ALK: variants seen among roughly 807,000 people sequenced by gnomAD.
ALK encodes ALK receptor tyrosine kinase, also known as ALK tyrosine kinase receptor.
ALK carries 74 observed loss-of-function variants against 163.1 expected under a neutral mutation model. The observed-to-expected ratio is 0.45, with a 90% confidence interval of 0.38 to 0.55. ALK has a LOEUF of 0.55. Ranked by LOEUF, ALK falls within the 20% of genes least tolerant of loss-of-function variation. The pLI is 0.00. For synonymous variants in ALK, 960 were observed against 843.2 expected, an observed-to-expected ratio of 1.14 and a Z score of -2.40; for missense variants, 2,063 against 2,105.3, an observed-to-expected ratio of 0.98 and a Z score of 0.39.
intron 4 of ALK, among the ~76,000 whole-genome samples, chr2:29,437,348 A>C (rs2148078198): frequency 6.6e-6 from 1 of 152,328 alleles, no homozygotes; most frequent in South Asian, 2.1e-4. Flanking sequence ...ATAAAAGAGC[A>C]GCTTCTGACA....
chr2:29,758,923 GT>G (rs1031209627), intron 1 of ALK, among the ~76,000 whole-genome samples: 2 of 151,952 alleles, frequency 1.3e-5, no homozygotes, highest in African/African-American at 4.8e-5. Context: ...TAGGGTCGGT[GT>G]TTCCTGTCCA....
chr2:29,888,722 AAG>A (rs1258486963), intron 1 of ALK, among the ~76,000 whole-genome samples: 1 of 152,204 alleles, frequency 6.6e-6, no homozygotes, highest in African/African-American at 2.4e-5. Flanking sequence ...ATTTCCCAAA[AAG>A]GAGTCCCTCT....
intron 1 of ALK, among the ~76,000 whole-genome samples, chr2:29,872,848 CTTCACT>C (rs1666614217): frequency 6.6e-6 from 1 of 152,198 alleles, no homozygotes; most frequent in Non-Finnish European, 1.5e-5. Flanking sequence ...AAGTAGCTCT[CTTCACT>C]TTCAAGTTGG....
At chr2:29,560,418 G>C (rs1049785631) in intron 3 of ALK, among the ~76,000 whole-genome samples, 1 of 152,178 alleles carries the variant, frequency 6.6e-6, no homozygotes, top group Non-Finnish European at 1.5e-5. Context: ...GGTTGCCTGG[G>C]GCTTGGGATG....
intron 1 of ALK, among the ~76,000 whole-genome samples, chr2:29,797,141 T>G (rs1295923163): frequency 6.6e-6 from 1 of 152,086 alleles, no homozygotes; most frequent in Non-Finnish European, 1.5e-5. Context: ...CAACCTTTCT[T>G]TAGATTGCCA....
chr2:29,686,152 G>T (rs1282567943), intron 3 of ALK, among the ~76,000 whole-genome samples: 1 of 152,188 alleles, frequency 6.6e-6, no homozygotes, highest in African/African-American at 2.4e-5. Flanking sequence ...GGGGGCTGGA[G>T]GAAGCATTAA....
chr2:29,604,322 C>G (rs1354305355), intron 3 of ALK, among the ~76,000 whole-genome samples: 2 of 152,076 alleles, frequency 1.3e-5, no homozygotes, highest in African/African-American at 4.8e-5. Context: ...GGTCTATGGC[C>G]CTTTCGTGTT....
chr2:29,554,257 C>A (rs546228698), intron 3 of ALK, among the ~76,000 whole-genome samples: 48 of 152,162 alleles, frequency 3.2e-4, no homozygotes, highest in African/African-American at 1.1e-3. Context: ...AAAGGGAAAA[C>A]CTTTGTAAAG....
At chr2:29,370,608 A>G (rs1668615129) in intron 5 of ALK, among the ~76,000 whole-genome samples, 1 of 152,278 alleles carries the variant, frequency 6.6e-6, no homozygotes, top group Non-Finnish European at 1.5e-5. Flanking sequence ...TTTTAAGACC[A>G]CAGACTTATT....
intron 15 of ALK, among the ~76,000 whole-genome samples, chr2:29,230,675 G>C (rs970634287): frequency 6.6e-6 from 1 of 152,132 alleles, no homozygotes; most frequent in Non-Finnish European, 1.5e-5. Context: ...CATCAGGCAA[G>C]CTGGGGGGAC....
chr2:29,486,362 G>A (rs1386837958), intron 4 of ALK, among the ~76,000 whole-genome samples: 1 of 152,026 alleles, frequency 6.6e-6, no homozygotes, highest in African/African-American at 2.4e-5. Context: ...GCATTTCCAG[G>A]ACCCCAGAGA....
intron 9 of ALK, among the ~76,000 whole-genome samples, chr2:29,290,938 G>C (rs1489285056): frequency 1.3e-5 from 2 of 152,176 alleles, no homozygotes; most frequent in African/African-American, 4.8e-5. Flanking sequence ...GTCTGCAGCA[G>C]GAGGTGGTGG....
intron 3 of ALK, among the ~76,000 whole-genome samples, chr2:29,661,103 T>C (rs1346653057): frequency 6.6e-6 from 1 of 152,218 alleles, no homozygotes; most frequent in African/African-American, 2.4e-5. Context: ...TTGTGCATTC[T>C]TCTAGGGATT....
chr2:29,694,154 T>C (rs1483907936), intron 3 of ALK, among the ~76,000 whole-genome samples: 1 of 152,194 alleles, frequency 6.6e-6, no homozygotes, highest in Non-Finnish European at 1.5e-5. Context: ...CATGTCTCTG[T>C]CTAAGAAACT....
At chr2:29,773,712 C>T (rs1484433889) in intron 1 of ALK, among the ~76,000 whole-genome samples, 3 of 152,182 alleles carry the variant, frequency 2.0e-5, no homozygotes, top group African/African-American at 7.2e-5. Context: ...GTGCTAAATG[C>T]ATTTTTGGCT....
intron 15 of ALK, among the ~76,000 whole-genome samples, chr2:29,230,278 GAC>G (rs1161465357): frequency 2.1e-5 from 3 of 140,548 alleles, no homozygotes; most frequent in African/African-American, 7.8e-5. Context: ...GTTCAGTAAA[GAC>G]ACAATCATCT....
intron 9 of ALK, among the ~76,000 whole-genome samples, chr2:29,277,523 G>C (rs967248234): frequency 6.6e-6 from 1 of 152,244 alleles, no homozygotes; most frequent in African/African-American, 2.4e-5. Flanking sequence ...AATCCTTTCT[G>C]TCTGAAAGTC....
chr2:29,279,000 G>A (rs376759608), intron 9 of ALK, among the ~76,000 whole-genome samples: 1 of 152,036 alleles, frequency 6.6e-6, no homozygotes, highest in Non-Finnish European at 1.5e-5. Context: ...ACAGAATCGC[G>A]GCTATCCTCT....
intron 1 of ALK, among the ~76,000 whole-genome samples, chr2:29,845,985 CT>C (rs1407290042): frequency 6.6e-6 from 1 of 152,218 alleles, no homozygotes; most frequent in Non-Finnish European, 1.5e-5. Context: ...TGAAGGAAGC[CT>C]TTTCCAGTGG....
Sources: gnomAD v4.1 joint callset for allele counts (sites outside exome capture counted in the v4.1 genomes callset) on GRCh38, gnomAD v4.1.1 for gene constraint, MANE v1.5 for transcripts, NCBI Gene and HGNC (gene_info 2026-07-23, HGNC 2026-07-21) for gene names.